The following N4BP1 variants were observed in gnomAD, a reference collection of about 807,000 sequenced individuals.
N4BP1 encodes the protein NEDD4 binding protein 1, also known as NEDD4-binding protein 1.
A neutral mutation model predicts 70.9 loss-of-function variants in N4BP1; 21 were observed. That is an observed-to-expected ratio of 0.30 (90% CI 0.21 to 0.43). N4BP1 has a LOEUF of 0.43. Ranked by LOEUF, N4BP1 falls within the 20% of genes least tolerant of loss-of-function variation. The pLI is 1.00. For missense variants in N4BP1, 936 were observed against 1,069.4 expected, an observed-to-expected ratio of 0.88 and a Z score of 1.74; for synonymous variants, 387 against 394.6, an observed-to-expected ratio of 0.98 and a Z score of 0.23.
At chr16:48,601,101 T>G (rs1259486997) in intron 1 of N4BP1, among the ~76,000 whole-genome samples, 1 of 152,276 alleles carries the variant, frequency 6.6e-6, no homozygotes, top group Non-Finnish European at 1.5e-5. Flanking sequence ...TAGTATTTCC[T>G]GTTTTGGTTT....
chr16:48,606,284 C>A (rs1423587848), intron 1 of N4BP1, among the ~76,000 whole-genome samples: 1 of 152,184 alleles, frequency 6.6e-6, no homozygotes, highest in Non-Finnish European at 1.5e-5. Flanking sequence ...CACCCCCTAC[C>A]CCCTCATGCC....
In N4BP1 at chr16:48,593,813, T is replaced by C. The variant is rs184940804; in HGVS notation, c.198+15962A>G. 8.5e-4 allele frequency among the ~76,000 whole-genome samples: 130 copies of C among 152,142 alleles called. 1 individual carries two copies. In the East Asian group the frequency reaches 0.019, roughly 22 times the overall value. ...TCACCTGAGGTTAGGAGTTTGAGAC[T>C]AGCCTGACCAATATGGTGAAATAGT... On this transcript the variant is annotated intron_variant, in intron 1 of 6. Coordinates refer to ENST00000262384, the MANE Select transcript of N4BP1 (RefSeq NM_153029.4).
At chr16:48,593,785 G>C (rs1028209124) in intron 1 of N4BP1, among the ~76,000 whole-genome samples, 1 of 152,046 alleles carries the variant, frequency 6.6e-6, no homozygotes, top group African/African-American at 2.4e-5. Flanking sequence ...CGAGGCAGGC[G>C]GATCACCTGA....
At chr16:48,563,027 TTCTG>T (rs1225492428) in intron 1 of N4BP1, among the ~76,000 whole-genome samples, 2 of 152,210 alleles carry the variant, frequency 1.3e-5, no homozygotes, top group African/African-American at 2.4e-5. Flanking sequence ...CTGTATGATT[TTCTG>T]TCTGTTTTCT....
intron 1 of N4BP1, 137 bp downstream of exon 1, chr16:48,609,638 G>A (rs1381987288): frequency 5.6e-6 from 4 of 718,778 alleles, no homozygotes; most frequent in South Asian, 4.8e-5. Flanking sequence ...GAGCCGAAAA[G>A]GCACGTTCGC....
At chr16:48,544,913 A>ATTCAGAGGGAGAGCTCTCAC (rs1963566633) in intron 6 of N4BP1, among the ~76,000 whole-genome samples, 1 of 152,170 alleles carries the variant, frequency 6.6e-6, no homozygotes, top group African/African-American at 2.4e-5. Flanking sequence ...ATACATGATG[A>ATTCAGAGGGAGAGCTCTCAC]ACCTAAGTAG....
chr16:48,539,516 G>A lies in N4BP1; in HGVS notation c.*3388C>T, dbSNP rs1220651459. ...CCAGTCACTACAGAGAGGGGACAGC[G>A]AGGAGAGGGACGGTGTGGCCCTAAG... On this transcript the variant is annotated 3_prime_UTR_variant, in exon 7 of 7. Coordinates refer to ENST00000262384, the MANE Select transcript of N4BP1 (RefSeq NM_153029.4). 4 of 152,462 alleles carry A rather than the reference G, an allele frequency of 2.6e-5. No individual in the cohort carries two copies. Among genetic ancestry groups the A allele is most frequent in the African/African-American group, 7.2e-5 (3 of 41,424 alleles). 9.4% of individuals were successfully genotyped at this position (152,462 alleles called of 1,614,324 possible).
At chr16:48,558,010 T>A (rs1244022786) in intron 2 of N4BP1, among the ~76,000 whole-genome samples, 1 of 152,144 alleles carries the variant, frequency 6.6e-6, no homozygotes, top group African/African-American at 2.4e-5. Context: ...ACTAAAATAA[T>A]CAATTCAATG....
At chr16:48,567,618 C>T (rs1016178561) in intron 1 of N4BP1, among the ~76,000 whole-genome samples, 5 of 152,084 alleles carry the variant, frequency 3.3e-5, no homozygotes, top group Non-Finnish European at 5.9e-5. Context: ...CATGCTCGGC[C>T]CCTACTGCAT....
Position 48,561,157 on chromosome 16 carries a change from C to T in N4BP1, c.1486G>A (p.Val496Ile). 2.5e-6 allele frequency: 4 copies of T among 1,614,000 alleles called. No individual in the cohort carries two copies. The highest frequency in any genetic ancestry group is 2.5e-6 in the Non-Finnish European group (3 of 1,179,874). The change falls in exon 2 of 7, where the codon GTT becomes ATT. Residue 496 changes from valine (V) to isoleucine (I), a missense_variant. Coordinates refer to ENST00000262384, the MANE Select transcript of N4BP1 (RefSeq NM_153029.4). ...ACTTCTTTGGGACTTGGAGAGGCAA[C>T]AGAAGGTGAAAGGCCATCAGTTTCA... The part of the protein sequence containing the change: ...DPETDGLSPS[V>I]ASPSPKEVNF...
intron 1 of N4BP1, among the ~76,000 whole-genome samples, chr16:48,579,088 G>C (rs904222821): frequency 6.6e-6 from 1 of 152,108 alleles, no homozygotes; most frequent in Admixed American, 6.5e-5. Context: ...AGAGGGTAGA[G>C]GCCAGAAAAG....
chr16:48,600,517 G>A (rs1178550395), intron 1 of N4BP1: 1 of 592,110 alleles, frequency 1.7e-6, no homozygotes, highest in South Asian at 1.4e-5. Context: ...AAGAGCTACA[G>A]AAAGTTCAGG....
At chr16:48,609,729 G>T in intron 1 of N4BP1, 46 bp downstream of exon 1, 1 of 1,296,574 alleles carries the variant, frequency 7.7e-7, no homozygotes, top group Non-Finnish European at 9.8e-7. Context: ...CCGGAGACCC[G>T]GACCGATCGA....
Position 48,560,885 on chromosome 16 carries a change from AAT to A in N4BP1, c.1756_1757del (p.Ile586Ter). The part of the protein sequence containing the change: ...DARSAGPSDH[I>X]DSSVTGVQRF... ...TTTGAACCCCAGTAACTGAGGAATC[AAT>A]ATGATCAGAAGGTCCTGCCGACCTT... On this transcript the variant is annotated frameshift_variant, in exon 2 of 7. Coordinates refer to ENST00000262384, the MANE Select transcript of N4BP1 (RefSeq NM_153029.4). LOFTEE classifies it high-confidence loss of function. The A allele has an allele frequency of 6.2e-7, 1 of 1,614,020 alleles. No homozygotes were observed. The highest frequency in any genetic ancestry group is 8.5e-7 in the Non-Finnish European group (1 of 1,179,894).
At chr16:48,567,340 A>C (rs1057382413) in intron 1 of N4BP1, among the ~76,000 whole-genome samples, 1 of 152,208 alleles carries the variant, frequency 6.6e-6, no homozygotes, top group South Asian at 2.1e-4. Context: ...TGTGAGACAG[A>C]GTCTTGCTCT....
chr16:48,571,173 A>G (rs1018758187), intron 1 of N4BP1, among the ~76,000 whole-genome samples: 5 of 152,222 alleles, frequency 3.3e-5, no homozygotes, highest in Admixed American at 3.3e-4. Context: ...GAGTAAGTGA[A>G]TAGATGAATT....
chr16:48,595,975 A>G (rs569419194), intron 1 of N4BP1, among the ~76,000 whole-genome samples: 2 of 152,336 alleles, frequency 1.3e-5, no homozygotes, highest in East Asian at 3.9e-4. Flanking sequence ...GTCTTAACTG[A>G]GGTTCCTTAT....
chr16:48,609,679 C>T, intron 1 of N4BP1, 96 bp downstream of exon 1: 1 of 1,073,714 alleles, frequency 9.3e-7, no homozygotes. Flanking sequence ...CCAACCCAGG[C>T]GCATCGCGGC....
intron 1 of N4BP1, among the ~76,000 whole-genome samples, chr16:48,603,215 T>C (rs1964529737): frequency 6.6e-6 from 1 of 152,182 alleles, no homozygotes; most frequent in Non-Finnish European, 1.5e-5. Flanking sequence ...ACACCCTTTT[T>C]CTCACAAATT....
Sources: gnomAD v4.1 joint callset for allele counts (sites outside exome capture counted in the v4.1 genomes callset) on GRCh38, gnomAD v4.1.1 for gene constraint, MANE v1.5 for transcripts, NCBI Gene and HGNC (gene_info 2026-07-23, HGNC 2026-07-21) for gene names.